The following AGBL1 variants were observed in gnomAD, a reference collection of about 807,000 sequenced individuals.
The protein encoded by AGBL1 is cytosolic carboxypeptidase 4.
A neutral mutation model predicts 118.9 loss-of-function variants in AGBL1; 130 were observed. The observed-to-expected ratio is 1.09, with a 90% CI of 0.95 to 1.26. AGBL1 has a LOEUF of 1.26. Ranked by LOEUF, AGBL1 falls within the 50% of genes most tolerant of loss-of-function variation. AGBL1 has a pLI of 0.00. For missense variants in AGBL1, 1,584 were observed against 1,298.1 expected (o/e 1.22, Z -3.38); for synonymous variants, 555 against 478.9 (o/e 1.16, Z -2.08).
intron 18 of AGBL1, among the ~76,000 whole-genome samples, chr15:86,488,802 A>C (rs1234770130): frequency 6.6e-6 from 1 of 152,032 alleles, no homozygotes; most frequent in Non-Finnish European, 1.5e-5. Flanking sequence ...CTTCTCTCAC[A>C]AGCATTAAAG....
intron 22 of AGBL1, among the ~76,000 whole-genome samples, chr15:86,783,754 C>G (rs2078368679): frequency 6.6e-6 from 1 of 152,144 alleles, no homozygotes; most frequent in Non-Finnish European, 1.5e-5. Context: ...CTCAGCCTCC[C>G]AAGTATCTGG....
At chr15:86,180,836 A>G (rs2077542016) in intron 5 of AGBL1, among the ~76,000 whole-genome samples, 1 of 152,096 alleles carries the variant, frequency 6.6e-6, no homozygotes, top group Middle Eastern at 3.2e-3. Context: ...AAAAAAGAAC[A>G]ATCCAATTAA....
intron 18 of AGBL1, among the ~76,000 whole-genome samples, chr15:86,488,593 G>A (rs1485639375): frequency 2.0e-5 from 3 of 152,032 alleles, no homozygotes; most frequent in Non-Finnish European, 4.4e-5. Context: ...ACATGATTGG[G>A]AGCAGAGCCT....
chr15:86,407,841 G>T lies in AGBL1; in HGVS notation c.2555+10295G>T, dbSNP rs192425947. On this transcript the variant is annotated intron_variant, in intron 18 of 22. Coordinates refer to ENST00000614907, the MANE Select transcript of AGBL1 (RefSeq NM_001386094.1). ...TGATCGTGGGACTCTTGGATCATGT[G>T]GGGGAATGATTCCCTTTCCCATGAT... is the stretch of plus-strand genomic sequence containing the variant. 4.6e-5 allele frequency among the ~76,000 whole-genome samples: 7 copies of T among 152,194 alleles called. No homozygotes were observed. In the East Asian group the frequency reaches 1.4e-3, roughly 30 times the overall value.
intron 22 of AGBL1, among the ~76,000 whole-genome samples, chr15:86,828,115 A>T (rs987699696): frequency 6.6e-6 from 1 of 150,872 alleles, no homozygotes; most frequent in African/African-American, 2.4e-5. Context: ...AATTCTAAAA[A>T]ATTGTTTGTA....
At chr15:86,806,255 T>C (rs2078712550) in intron 22 of AGBL1, among the ~76,000 whole-genome samples, 1 of 152,052 alleles carries the variant, frequency 6.6e-6, no homozygotes, top group African/African-American at 2.4e-5. Flanking sequence ...AGATGGAAAC[T>C]GGAATGATCT....
chr15:86,705,745 A>C (rs1032832962), intron 22 of AGBL1, among the ~76,000 whole-genome samples: 5 of 152,156 alleles, frequency 3.3e-5, no homozygotes, highest in Non-Finnish European at 7.3e-5. Flanking sequence ...TTTTCACTGG[A>C]TCTTTGAGGT....
intron 5 of AGBL1, among the ~76,000 whole-genome samples, chr15:86,222,388 A>G (rs1174641622): frequency 6.6e-6 from 1 of 152,010 alleles, no homozygotes; most frequent in Non-Finnish European, 1.5e-5. Flanking sequence ...TTATTCCCCT[A>G]TCTACCTAGC....
chr15:86,447,478 T>C (rs925320187), intron 18 of AGBL1, among the ~76,000 whole-genome samples: 8 of 152,220 alleles, frequency 5.3e-5, no homozygotes, highest in African/African-American at 1.9e-4. Flanking sequence ...GATGTATCAA[T>C]TGAGCTTCTT....
intron 21 of AGBL1, among the ~76,000 whole-genome samples, chr15:86,565,132 G>A (rs111487438): frequency 1.1e-4 from 17 of 152,302 alleles, no homozygotes; most frequent in African/African-American, 2.2e-4. Context: ...CTCTCAAATC[G>A]TCAAAGTCAT....
At chr15:86,234,490 G>C (rs1267343730) in intron 6 of AGBL1, among the ~76,000 whole-genome samples, 1 of 148,420 alleles carries the variant, frequency 6.7e-6, no homozygotes. Context: ...GGCGGAGGTT[G>C]CAGTGAGCGA....
chr15:86,824,188 A>G (rs2078976768), intron 22 of AGBL1, among the ~76,000 whole-genome samples: 1 of 152,148 alleles, frequency 6.6e-6, no homozygotes, highest in Non-Finnish European at 1.5e-5. Context: ...CATGGAATCT[A>G]TCCTACCCAA....
chr15:86,255,357 A>G (rs2078878015), intron 7 of AGBL1, among the ~76,000 whole-genome samples: 1 of 152,208 alleles, frequency 6.6e-6, no homozygotes, highest in African/African-American at 2.4e-5. Context: ...AAACTAATTC[A>G]TTTTCCACCA....
At chr15:86,668,159 C>A (rs1214344304) in intron 21 of AGBL1, among the ~76,000 whole-genome samples, 1 of 152,178 alleles carries the variant, frequency 6.6e-6, no homozygotes, top group Non-Finnish European at 1.5e-5. Flanking sequence ...GAACCAAACA[C>A]CTCCCACCAG....
chr15:86,106,942 ATGTTATTTGCTT>A (rs773261935), intron 1 of AGBL1, among the ~76,000 whole-genome samples: 2 of 152,202 alleles, frequency 1.3e-5, no homozygotes, highest in Non-Finnish European at 2.9e-5. Flanking sequence ...GCAGTGATCA[ATGTTATTTGCTT>A]TGATGTATTC....
At chr15:86,214,729 T>C (rs2078156806) in intron 5 of AGBL1, among the ~76,000 whole-genome samples, 1 of 152,204 alleles carries the variant, frequency 6.6e-6, no homozygotes, top group South Asian at 2.1e-4. Flanking sequence ...AATTTGGAAG[T>C]ACTTCAAAAC....
At chr15:86,703,140 A>G (rs566984681) in intron 22 of AGBL1, among the ~76,000 whole-genome samples, 11 of 152,302 alleles carry the variant, frequency 7.2e-5, no homozygotes, top group South Asian at 4.1e-4. Flanking sequence ...TAATGAATCA[A>G]TGTTTCCAAC....
At chr15:86,317,565 C>T (rs1371832914) in intron 17 of AGBL1, among the ~76,000 whole-genome samples, 1 of 152,144 alleles carries the variant, frequency 6.6e-6, no homozygotes, top group Non-Finnish European at 1.5e-5. Flanking sequence ...GGAAATAAAA[C>T]TTTGAGAGGC....
intron 17 of AGBL1, among the ~76,000 whole-genome samples, chr15:86,341,412 T>A (rs2080460126): frequency 6.6e-6 from 1 of 152,154 alleles, no homozygotes. Context: ...CCTGAGGTCA[T>A]TCTTGGGTCC....
Sources: allele counts gnomAD v4.1 joint callset (sites outside exome capture counted in the v4.1 genomes callset), GRCh38; gene constraint gnomAD v4.1.1; transcripts MANE v1.5; gene names NCBI Gene and HGNC (gene_info 2026-07-23, HGNC 2026-07-21).